Variants in RBL1 observed in about 807,000 individuals in gnomAD.
RBL1 encodes retinoblastoma-like protein 1.
A neutral mutation model predicts 123.0 loss-of-function variants in RBL1; 82 were observed. That is an observed-to-expected ratio of 0.67 (90% CI 0.56 to 0.80). The LOEUF is 0.80. Ranked by LOEUF, RBL1 falls within the 30% of genes least tolerant of loss-of-function variation. The pLI is 0.00. For synonymous variants in RBL1, 405 were observed against 441.3 expected (o/e 0.92, Z 1.03); for missense variants, 1,171 against 1,299.6 (o/e 0.90, Z 1.52).
chr20:37,033,821 T>G (rs2064556551), intron 15 of RBL1, among the ~76,000 whole-genome samples: 1 of 151,914 alleles, frequency 6.6e-6, no homozygotes, highest in African/African-American at 2.4e-5. Context: ...TTCACCACGT[T>G]GGCCAGGCTG....
intron 20 of RBL1, among the ~76,000 whole-genome samples, chr20:37,004,540 CCGTCT>C (rs2064038768): frequency 2.0e-5 from 3 of 149,464 alleles, no homozygotes; most frequent in African/African-American, 2.4e-5. Flanking sequence ...TGGTGAAACT[CCGTCT>C]CCACTAAAAA....
intron 2 of RBL1, among the ~76,000 whole-genome samples, chr20:37,084,693 G>GT (rs1260618921): frequency 6.6e-6 from 1 of 152,036 alleles, no homozygotes; most frequent in Non-Finnish European, 1.5e-5. Context: ...GCAAGACTCT[G>GT]TCTCAAACAA....
intron 9 of RBL1, among the ~76,000 whole-genome samples, chr20:37,058,994 A>T (rs1327539593): frequency 6.6e-6 from 1 of 152,152 alleles, no homozygotes; most frequent in Non-Finnish European, 1.5e-5. Context: ...TCAGCCTCCC[A>T]AAGTGCTGCA....
chr20:36,999,725 C>T (rs537338197), intron 21 of RBL1, among the ~76,000 whole-genome samples: 26 of 152,240 alleles, frequency 1.7e-4, no homozygotes, highest in Admixed American at 1.3e-4. Flanking sequence ...AGCTCCTAAC[C>T]GCGAGTGATC....
chr20:37,062,645 CA>C (rs60370479), intron 7 of RBL1, among the ~76,000 whole-genome samples: 135 of 40,092 alleles, frequency 3.4e-3, no homozygotes, highest in Admixed American at 7.6e-3. Flanking sequence ...GACTCTGTCT[CA>C]AAAAAAAAAA....
rs1399655097 is a variant in RBL1 at position 37,089,109 on chromosome 20, T to C, written c.170A>G (p.His57Arg). Residue 57 changes from histidine (H) to arginine (R), a missense_variant, in exon 2 of 22, where the codon CAC becomes CGC. Transcript: ENST00000373664. ...GNYSLEGEVT[H>R]WLACSLYVAC... Reference sequence around the variant, plus strand: ...AACATATAATGAACATGCCAACCAGTGTGTAACTTCTCCCTGGCAAGCAAA... The same window carrying C: ...AACATATAATGAACATGCCAACCAGCGTGTAACTTCTCCCTGGCAAGCAAA... 1 of 1,603,688 alleles carries C rather than the reference T, an allele frequency of 6.2e-7. No individual in the cohort carries two copies. The highest frequency in any genetic ancestry group is 1.1e-5 in the South Asian group (1 of 89,078).
Position 37,003,863 on chromosome 20 carries a change from C to T in RBL1, c.2875G>A (p.Asp959Asn). ...GGAAAAGGAGAGAGTGGTGGAGCATCCATCTAAAATAACCCAAAAGTCAGA... is the reference window on the plus strand; with the variant it reads ...GGAAAAGGAGAGAGTGGTGGAGCATTCATCTAAAATAACCCAAAAGTCAGA... The part of the protein sequence containing the change: ...YDLANQDHMM[D>N]APPLSPFPHI... Residue 959 changes from aspartate to asparagine, a missense_variant, in exon 21 of 22, where the codon GAT (aspartate) becomes AAT (asparagine). By Grantham distance (23) the Asp-to-Asn change is conservative. Coordinates refer to ENST00000373664, the MANE Select transcript of RBL1 (RefSeq NM_002895.5). 6.2e-7 allele frequency: 1 copy of T among 1,602,868 alleles called. No homozygotes were observed. Among genetic ancestry groups the T allele is most frequent in the Non-Finnish European group, 8.5e-7 (1 of 1,175,752 alleles).
intron 1 of RBL1, among the ~76,000 whole-genome samples, chr20:37,090,427 T>TCAA (rs1238733970): frequency 6.6e-6 from 1 of 152,260 alleles, no homozygotes; most frequent in African/African-American, 2.4e-5. Context: ...ATGGCCTTGA[T>TCAA]GATCCTGAAG....
At chr20:37,058,508 C>T (rs1466408786) in intron 9 of RBL1, among the ~76,000 whole-genome samples, 3 of 148,530 alleles carry the variant, frequency 2.0e-5, no homozygotes, top group Non-Finnish European at 3.0e-5. Flanking sequence ...AGCAAGACTC[C>T]GCCTCAAAAG....
chr20:37,022,925 G>T, intron 16 of RBL1, 99 bp from the exon 17 acceptor site: 1 of 887,506 alleles, frequency 1.1e-6, no homozygotes. Flanking sequence ...ATAGGCTGTT[G>T]ATATACTAAA....
chr20:37,005,004 G>A (rs770495072), intron 20 of RBL1, among the ~76,000 whole-genome samples: 11 of 151,950 alleles, frequency 7.2e-5, no homozygotes, highest in Non-Finnish European at 1.5e-4. Flanking sequence ...TTATGTCACT[G>A]CACTCCTCCT....
intron 2 of RBL1, 52 bp downstream of exon 2, chr20:37,088,937 G>C (rs2065600999): frequency 1.0e-5 from 13 of 1,280,854 alleles, no homozygotes; most frequent in Non-Finnish European, 1.0e-6. Context: ...AGAGAAAACT[G>C]ATTCCAAAAT....
intron 1 of RBL1, among the ~76,000 whole-genome samples, chr20:37,091,358 C>CAA (rs113756169): frequency 1.3e-4 from 19 of 142,002 alleles, no homozygotes; most frequent in Middle Eastern, 3.4e-3. Flanking sequence ...GACTCCATCT[C>CAA]AAAAAAAAAA....
rs553474013 is a variant in RBL1 at position 36,998,490 on chromosome 20, C to T, written c.*269G>A. ...CTGCCCGCCTTGGCCTCCCAAAGTC[C>T]TGGGATTACAGGCGTGAGCCACAGC... is the stretch of plus-strand genomic sequence containing the variant. On this transcript the variant is annotated 3_prime_UTR_variant, in exon 22 of 22. Transcript: ENST00000373664. 112 of 277,790 alleles carry T rather than the reference C, an allele frequency of 4.0e-4. 2 individuals are homozygous for T. The East Asian group carries it at 0.011, about 27-fold the overall frequency. The allele number at this position is 277,790 out of a possible 1,614,324, so 17.2% of individuals were successfully genotyped here. A position where few individuals can be genotyped will look rare whatever the true frequency, so the allele number is the denominator to read the frequency against.
intron 2 of RBL1, among the ~76,000 whole-genome samples, chr20:37,073,705 G>GAAAAAGA (rs2065317240): frequency 1.9e-5 from 2 of 103,138 alleles, no homozygotes; most frequent in African/African-American, 7.6e-5. Flanking sequence ...CTCAAAAAAA[G>GAAAAAGA]AAAAAAAAAA....
chr20:37,056,589 G>C (rs2146286855), intron 9 of RBL1, among the ~76,000 whole-genome samples: 1 of 152,042 alleles, frequency 6.6e-6, no homozygotes, highest in East Asian at 1.9e-4. Context: ...TCCTAACCTT[G>C]TGATCCACCC....
At chr20:37,058,314 G>A (rs753879377) in intron 9 of RBL1, among the ~76,000 whole-genome samples, 4 of 151,506 alleles carry the variant, frequency 2.6e-5, no homozygotes, top group Admixed American at 6.6e-5. Context: ...TCAGGAGATC[G>A]AGACCATCCT....
At chr20:37,087,861 G>A (rs1422558238) in intron 2 of RBL1, among the ~76,000 whole-genome samples, 1 of 152,192 alleles carries the variant, frequency 6.6e-6, no homozygotes, top group Non-Finnish European at 1.5e-5. Context: ...TGTTAATTTT[G>A]CTGAAGTTGG....
chr20:37,037,232 T>C (rs1160062328), intron 14 of RBL1, among the ~76,000 whole-genome samples: 5 of 152,140 alleles, frequency 3.3e-5, no homozygotes, highest in Non-Finnish European at 5.9e-5. Context: ...AAGACTCGAG[T>C]TGAAGCCATA....
Sources: allele counts gnomAD v4.1 joint callset (sites outside exome capture counted in the v4.1 genomes callset), GRCh38; gene constraint gnomAD v4.1.1; transcripts MANE v1.5; gene names NCBI Gene and HGNC (gene_info 2026-07-23, HGNC 2026-07-21).